TRPM3: variants seen among roughly 807,000 people sequenced by gnomAD.
TRPM3 encodes the protein long transient receptor potential channel 3.
A neutral mutation model predicts 181.2 loss-of-function variants in TRPM3; 77 were observed. The ratio of observed to expected loss-of-function variants is 0.42; its 90% confidence interval spans 0.35 to 0.51. The LOEUF (loss-of-function observed/expected upper bound fraction) is 0.51, where lower values mean the gene tolerates loss of function less well. Ranked by LOEUF, TRPM3 falls within the 20% of genes least tolerant of loss-of-function variation. The pLI is 0.01. For synonymous variants in TRPM3, 745 were observed against 796.4 expected, an observed-to-expected ratio of 0.94 and a Z score of 1.09; for missense variants, 1,759 against 2,196.7, an observed-to-expected ratio of 0.80 and a Z score of 3.98.
intron 9 of TRPM3, among the ~76,000 whole-genome samples, chr9:70,657,198 TAAAAAA>T (rs3073513): frequency 8.5e-6 from 1 of 117,686 alleles, no homozygotes; most frequent in Non-Finnish European, 1.8e-5. Context: ...GGGCTTGAGG[TAAAAAA>T]AAAAAAAAAA....
intron 1 of TRPM3, among the ~76,000 whole-genome samples, chr9:71,101,491 G>A (rs990111515): frequency 1.3e-5 from 2 of 152,248 alleles, no homozygotes; most frequent in African/African-American, 4.8e-5. Flanking sequence ...ACAGGGCTAG[G>A]AGAGTACAGG....
At chr9:70,747,175 A>G (rs367813896) in intron 8 of TRPM3, among the ~76,000 whole-genome samples, 67 of 152,352 alleles carry the variant, frequency 4.4e-4, no homozygotes, top group African/African-American at 1.5e-3. Flanking sequence ...ACATAGAATA[A>G]TGAATCAGAC....
chr9:70,815,368 T>A (rs1239741965), intron 6 of TRPM3, among the ~76,000 whole-genome samples: 3 of 152,158 alleles, frequency 2.0e-5, no homozygotes, highest in Admixed American at 6.6e-5. Flanking sequence ...TAAAATGAAT[T>A]CCTAGAAGTA....
intron 5 of TRPM3, among the ~76,000 whole-genome samples, chr9:70,831,962 AAT>A (rs71367232): frequency 0.059 from 3,795 of 63,922 alleles, 125 homozygotes; most frequent in Admixed American, 0.12. Flanking sequence ...GTACCCCATA[AAT>A]ATATATATAT....
chr9:71,111,862 C>G (rs1009663157), intron 1 of TRPM3, among the ~76,000 whole-genome samples: 2 of 152,134 alleles, frequency 1.3e-5, no homozygotes, highest in African/African-American at 4.8e-5. Flanking sequence ...TTGATCTTAA[C>G]CAACAAACAG....
intron 1 of TRPM3, among the ~76,000 whole-genome samples, chr9:71,335,307 A>G (rs527247440): frequency 6.6e-6 from 1 of 152,278 alleles, no homozygotes; most frequent in East Asian, 1.9e-4. Flanking sequence ...TTTGGCAAAT[A>G]AAGTTCTTTC....
intron 1 of TRPM3, among the ~76,000 whole-genome samples, chr9:70,886,560 G>A (rs201849556): frequency 6.6e-6 from 1 of 152,202 alleles, no homozygotes; most frequent in African/African-American, 2.4e-5. Context: ...ATAGGGTCAA[G>A]GGTTTGAAGG....
chr9:70,602,053 A>C (rs1779081676), intron 20 of TRPM3, among the ~76,000 whole-genome samples: 1 of 150,190 alleles, frequency 6.7e-6, no homozygotes, highest in African/African-American at 2.4e-5. Flanking sequence ...AAAAGGCACC[A>C]TGAATGGGAA....
At chr9:70,637,320 A>G (rs553697156) in intron 11 of TRPM3, among the ~76,000 whole-genome samples, 2 of 152,294 alleles carry the variant, frequency 1.3e-5, no homozygotes, top group South Asian at 2.1e-4. Flanking sequence ...CTTAATGCCA[A>G]TTAGTGTTAG....
At chr9:71,317,142 A>C (rs1391294327) in intron 1 of TRPM3, among the ~76,000 whole-genome samples, 31 of 152,160 alleles carry the variant, frequency 2.0e-4, no homozygotes, top group Admixed American at 2.0e-3. Context: ...CTACATTCAC[A>C]TTGTGGTGCA....
rs551771461 is a variant in TRPM3 at position 71,247,293 on chromosome 9, G to T, written c.183+199360C>A. On this transcript the variant is annotated intron_variant, in intron 1 of 24. Coordinates refer to the TRPM3 transcript ENST00000357533. The stretch of plus-strand genomic sequence containing the variant: ...CGCTTGAACCTGGGAGGTGGGGGTT[G>T]CAGTAAGCCGAGATCATGCCTCTGC... 2.5e-3 allele frequency among the ~76,000 whole-genome samples: 361 copies of T among 143,398 alleles called. 2 individuals are homozygous for T. Among genetic ancestry groups the T allele is most frequent in the Non-Finnish European group, 4.1e-3 (277 of 67,052 alleles). The allele number at this position is 143,398 out of a possible 152,430, so 94.1% of individuals were successfully genotyped here. A position where few individuals can be genotyped will look rare whatever the true frequency, so the allele number is the denominator to read the frequency against.
chr9:70,962,108 T>G (rs1223853687), intron 1 of TRPM3, among the ~76,000 whole-genome samples: 1 of 152,156 alleles, frequency 6.6e-6, no homozygotes, highest in Non-Finnish European at 1.5e-5. Flanking sequence ...CATGCCTTAG[T>G]GCAGATGTAA....
intron 1 of TRPM3, among the ~76,000 whole-genome samples, chr9:71,044,435 T>G (rs936061578): frequency 6.6e-6 from 1 of 152,252 alleles, no homozygotes; most frequent in African/African-American, 2.4e-5. Context: ...TTATATTCTT[T>G]GCTTTTCCAC....
Position 70,535,717 on chromosome 9 carries a change from C to T in TRPM3, c.*236G>A, listed in dbSNP as rs937014433. Reference sequence around the variant, plus strand: ...CTTCCTTCTCCCTCTCTTCCCCCTCCCTGCCCAGCAAGTGTGAACATGCCT... The same window carrying T: ...CTTCCTTCTCCCTCTCTTCCCCCTCTCTGCCCAGCAAGTGTGAACATGCCT... On this transcript the variant is annotated 3_prime_UTR_variant, in exon 26 of 26. Transcript: ENST00000677713. The T allele has an allele frequency of 1.4e-6, 2 of 1,436,752 alleles. No individual in the cohort carries two copies. The highest frequency in any genetic ancestry group is 1.8e-6 in the Non-Finnish European group (2 of 1,102,164). 89.0% of individuals were successfully genotyped at this position (1,436,752 alleles called of 1,614,324 possible).
intron 1 of TRPM3, among the ~76,000 whole-genome samples, chr9:71,028,371 A>G (rs2056851629): frequency 6.6e-6 from 1 of 152,164 alleles, no homozygotes; most frequent in Admixed American, 6.5e-5. Context: ...ACGCACCTAC[A>G]CACATCAGTG....
intron 5 of TRPM3, among the ~76,000 whole-genome samples, chr9:70,828,441 G>A (rs1250767024): frequency 6.6e-6 from 1 of 152,082 alleles, no homozygotes. Flanking sequence ...TTCTGGAGAT[G>A]GTGGCGGGGA....
intron 1 of TRPM3, among the ~76,000 whole-genome samples, chr9:70,996,629 C>T (rs2097543266): frequency 6.6e-6 from 1 of 152,196 alleles, no homozygotes; most frequent in Non-Finnish European, 1.5e-5. Flanking sequence ...GATTTCTCAC[C>T]TTTAGATCAG....
intron 8 of TRPM3, among the ~76,000 whole-genome samples, chr9:70,758,946 A>T (rs1430778830): frequency 1.3e-5 from 2 of 152,236 alleles, no homozygotes; most frequent in African/African-American, 2.4e-5. Context: ...CTAAAACATC[A>T]AAAGCAATGG....
rs543042578 is a variant in TRPM3, at chr9:71,292,628, TG to T, written c.183+154024del. 3.9e-4 allele frequency among the ~76,000 whole-genome samples: 60 copies of T among 152,066 alleles called. 2 individuals carry two copies. The South Asian group carries it at 0.011, about 27-fold the overall frequency. ...TAGAAAATTAGAATAATCCTAATAATGTTTTTTAAAAAAATAAGTTAGCTGT... is the reference window on the plus strand; with the variant it reads ...TAGAAAATTAGAATAATCCTAATAATTTTTTTAAAAAAATAAGTTAGCTGT... On this transcript the variant is annotated intron_variant, in intron 1 of 24. Transcript: ENST00000357533.
Sources: gnomAD v4.1 joint callset for allele counts (sites outside exome capture counted in the v4.1 genomes callset) on GRCh38, gnomAD v4.1.1 for gene constraint, MANE v1.5 for transcripts, NCBI Gene and HGNC (gene_info 2026-07-23, HGNC 2026-07-21) for gene names.